Variants in KLHL22 observed in about 807,000 individuals in gnomAD.
The protein encoded by KLHL22 is kelch-like protein 22.
In KLHL22, 18 loss-of-function variants were observed where a neutral mutation model predicts 60.7. The ratio of observed to expected loss-of-function variants is 0.30; its 90% confidence interval spans 0.20 to 0.44. KLHL22 has a LOEUF of 0.44. Among genes scored for constraint, KLHL22 ranks in the 20% least tolerant of loss-of-function variants. The pLI is 1.00. For synonymous variants in KLHL22, 355 were observed against 354.5 expected, an observed-to-expected ratio of 1.00 and a Z score of -0.01; for missense variants, 596 against 852.3, an observed-to-expected ratio of 0.70 and a Z score of 3.74.
Position 20,451,580 on chromosome 22 carries a change from C to T in KLHL22, c.1306-4904G>A, listed in dbSNP as rs573102953. ...AGATTTGATGGTACAGCCCACCTTT[C>T]TTCCGTTGAAGCATACAACATTCGC... On this transcript the variant is annotated intron_variant, in intron 5 of 6. Transcript: ENST00000328879. 4 of 1,596,140 alleles carry T rather than the reference C, an allele frequency of 2.5e-6. No individual in the cohort carries two copies. The African/African-American group carries it at 4.0e-5, about 16-fold the overall frequency.
At chr22:20,488,111 C>T (rs2053616530) in intron 2 of KLHL22, among the ~76,000 whole-genome samples, 1 of 152,098 alleles carries the variant, frequency 6.6e-6, no homozygotes, top group South Asian at 2.1e-4. Flanking sequence ...ACATATTTTG[C>T]TTGATAGTTC....
chr22:20,451,558 T>A lies in KLHL22; in HGVS notation c.1306-4882A>T, dbSNP rs1411484368. The A allele has an allele frequency of 3.1e-6, 5 of 1,597,484 alleles. No homozygotes were observed. In the East Asian group the frequency reaches 1.1e-4, roughly 36 times the overall value. On this transcript the variant is annotated intron_variant, in intron 5 of 6. Transcript: ENST00000328879. ...TGACCGTATTTATGTGGTGGGGAGATTTGATGGTACAGCCCACCTTTCTTC... is the reference window on the plus strand; with the variant it reads ...TGACCGTATTTATGTGGTGGGGAGAATTGATGGTACAGCCCACCTTTCTTC...
rs748141498 is a variant in KLHL22, at chr22:20,465,359, C to T, written c.611G>A (p.Arg204His). The T allele has an allele frequency of 8.7e-6, 14 of 1,613,936 alleles. No individual in the cohort carries two copies. In the East Asian group the frequency reaches 2.4e-4, roughly 28 times the overall value. Residue 204 changes from arginine (R) to histidine (H), a missense_variant, in exon 4 of 7, where the codon CGC becomes CAC. Transcript: ENST00000328879. This position sits in a 1 kb window ranked among gnomAD's most constrained non-coding sequence, Gnocchi z 4.9. ...EKVYSLLSSN[R>H]LEVSCETEVY... ...CTCGGTCTCGCAGGAGACCTCCAGGCGATTGCTGCTGAGGAGGGAGTAGAC... is the reference window on the plus strand; with the variant it reads ...CTCGGTCTCGCAGGAGACCTCCAGGTGATTGCTGCTGAGGAGGGAGTAGAC...
At chr22:20,457,344 T>C (rs1402179814) in intron 5 of KLHL22, among the ~76,000 whole-genome samples, 1 of 152,174 alleles carries the variant, frequency 6.6e-6, no homozygotes, top group Non-Finnish European at 1.5e-5. Context: ...GAGTGTTTCT[T>C]GGCTCTGGAA....
At position 20,495,603 on chromosome 22, in the gene KLHL22, C is replaced by A. The variant is rs2053756502; in HGVS notation, c.-34+157G>T. 6.7e-6 allele frequency among the ~76,000 whole-genome samples: 1 copy of A among 150,230 alleles called. No individual in the cohort carries two copies. Among genetic ancestry groups the A allele is most frequent in the Non-Finnish European group, 1.5e-5 (1 of 67,312 alleles). ...CCCGCCACGTCAGGCCGCGGGCTCT[C>A]CTCAGGTCGCCGCCCCCGAGCCTCC... On this transcript the variant is annotated intron_variant, in intron 1 of 6. Coordinates refer to ENST00000328879, the MANE Select transcript of KLHL22 (RefSeq NM_032775.4). This position sits in a 1 kb window ranked among gnomAD's most constrained non-coding sequence, Gnocchi z 4.6.
At chr22:20,482,391 T>A (rs531465785) in intron 2 of KLHL22, among the ~76,000 whole-genome samples, 2 of 145,640 alleles carry the variant, frequency 1.4e-5, no homozygotes, top group African/African-American at 2.5e-5. Context: ...ATGAAACCAA[T>A]TTTTTTTTTT....
In KLHL22 at chr22:20,465,904, C is replaced by A. The variant is rs565192884; in HGVS notation, c.394-328G>T. ...AATCTCGGCTCACTAACACCTCCCCCTCCCGGGTTGAAATGATTCTCCTGC... is the reference window on the plus strand; with the variant it reads ...AATCTCGGCTCACTAACACCTCCCCATCCCGGGTTGAAATGATTCTCCTGC... On this transcript the variant is annotated intron_variant, in intron 3 of 6. Coordinates refer to ENST00000328879, the MANE Select transcript of KLHL22 (RefSeq NM_032775.4). The surrounding 1 kb of genome is among the most constrained non-coding windows in gnomAD (Gnocchi z 4.9). Among the ~76,000 whole-genome samples, 60 of 152,230 alleles carry A rather than the reference C, an allele frequency of 3.9e-4. 3 individuals carry two copies. In the South Asian group the frequency reaches 5.2e-3, roughly 13 times the overall value.
intron 1 of KLHL22, among the ~76,000 whole-genome samples, chr22:20,494,687 A>G (rs544099692): frequency 2.0e-5 from 3 of 152,174 alleles, no homozygotes; most frequent in African/African-American, 7.2e-5. Flanking sequence ...CCAGTCTCAT[A>G]TCCCCAATTT....
intron 2 of KLHL22, among the ~76,000 whole-genome samples, chr22:20,486,919 T>C (rs2053595663): frequency 1.3e-5 from 2 of 151,806 alleles, no homozygotes; most frequent in Admixed American, 6.6e-5. Flanking sequence ...GACCTCAAGT[T>C]ATCCGCCCTC....
intron 6 of KLHL22, among the ~76,000 whole-genome samples, chr22:20,445,266 G>A (rs551880195): frequency 1.1e-4 from 16 of 147,846 alleles, no homozygotes; most frequent in African/African-American, 2.8e-4. Flanking sequence ...GAGTGCAGTC[G>A]TGTGATCTCA....
chr22:20,472,507 C>T (rs1019680771), intron 2 of KLHL22, among the ~76,000 whole-genome samples: 2 of 152,096 alleles, frequency 1.3e-5, no homozygotes, highest in African/African-American at 4.8e-5. Context: ...GGGCAGATCA[C>T]CTGAGGTCAG....
chr22:20,476,383 G>T (rs1256384351), intron 2 of KLHL22, among the ~76,000 whole-genome samples: 2 of 149,540 alleles, frequency 1.3e-5, no homozygotes, highest in African/African-American at 5.0e-5. Context: ...TGAGCAGGGT[G>T]TGGGTGCTTG....
At chr22:20,483,537 A>G (rs551513100) in intron 2 of KLHL22, 2 of 725,534 alleles carry the variant, frequency 2.8e-6, no homozygotes, top group Non-Finnish European at 2.6e-6. Flanking sequence ...CATTGGTGTC[A>G]TCAATCACTT....
intron 2 of KLHL22, among the ~76,000 whole-genome samples, chr22:20,472,641 G>A (rs566903933): frequency 2.0e-5 from 3 of 152,212 alleles, no homozygotes; most frequent in East Asian, 1.9e-4. Context: ...CAGGAGAATC[G>A]CTTGAACCCG....
At position 20,441,928 on chromosome 22, in the gene KLHL22, T is replaced by G. The variant is rs1601313326; in HGVS notation, c.*145A>C. The stretch of plus-strand genomic sequence containing the variant: ...TGCGGCAGGCTGGCCAAGGGGCTGG[T>G]GTGAAGAAAGAGGGCAGGGCCCATA... On this transcript the variant is annotated 3_prime_UTR_variant, in exon 7 of 7. Transcript: ENST00000328879. 8 of 754,356 alleles carry G rather than the reference T, an allele frequency of 1.1e-5. No homozygotes were observed. Among genetic ancestry groups the G allele is most frequent in the Admixed American group, 3.2e-5 (1 of 31,122 alleles). The allele number at this position is 754,356 out of a possible 1,614,324, so 46.7% of individuals were successfully genotyped here.
chr22:20,493,492 C>A (rs1043105860), intron 1 of KLHL22, among the ~76,000 whole-genome samples: 1 of 152,188 alleles, frequency 6.6e-6, no homozygotes, highest in African/African-American at 2.4e-5. Context: ...AGTCAAAATG[C>A]GCAAAGTGGC....
rs1058990 is a variant in KLHL22, at chr22:20,446,696, G to A, written c.1306-20C>T. 0.25 allele frequency: 402,754 copies of A among 1,595,662 alleles called. 56,290 individuals carry two copies. The highest frequency in any genetic ancestry group is 0.29 in the Non-Finnish European group (340,326 of 1,171,038). The stretch of plus-strand genomic sequence containing the variant: ...ATACACCTGTGTGGAGCCACCAGGA[G>A]AAATGGCGTGAGAGGGCAGTGAGGA... On this transcript the variant is annotated intron_variant, in intron 5 of 6. Coordinates refer to ENST00000328879, the MANE Select transcript of KLHL22 (RefSeq NM_032775.4).
At chr22:20,476,828 C>T (rs1227600612) in intron 2 of KLHL22, among the ~76,000 whole-genome samples, 6 of 151,544 alleles carry the variant, frequency 4.0e-5, no homozygotes. Context: ...CCTGCCTCAG[C>T]CTCCCAAGTA....
chr22:20,450,332 C>A (rs2052956171), intron 5 of KLHL22: 3 of 1,270,694 alleles, frequency 2.4e-6, no homozygotes, highest in Non-Finnish European at 3.5e-6. Flanking sequence ...GAAGGGGAAA[C>A]CCTATGTTGA....
Sources: allele counts gnomAD v4.1 joint callset (sites outside exome capture counted in the v4.1 genomes callset), GRCh38; gene constraint gnomAD v4.1.1; non-coding constraint Gnocchi (gnomAD v3.1); transcripts MANE v1.5; gene names NCBI Gene and HGNC (gene_info 2026-07-23, HGNC 2026-07-21).